The following UPF3B variants were observed in gnomAD, a reference collection of about 807,000 sequenced individuals.
UPF3B encodes the protein regulator of nonsense transcripts 3B.
Under a neutral mutation model 40.3 loss-of-function variants are expected in UPF3B, and 7 were observed. The ratio of observed to expected loss-of-function variants is 0.17; its 90% confidence interval spans 0.10 to 0.33. The LOEUF (loss-of-function observed/expected upper bound fraction) is 0.33. Among genes scored for constraint, UPF3B ranks in the 10% least tolerant of loss-of-function variants. The pLI is 1.00. For synonymous variants in UPF3B, 117 were observed against 117.3 expected, an observed-to-expected ratio of 1.00 and a Z score of 0.01; for missense variants, 229 against 358.9, an observed-to-expected ratio of 0.64 and a Z score of 2.93.
chrX:119,846,205 G>A (rs1201861730), intron 3 of UPF3B, among the ~76,000 whole-genome samples: 30 of 103,590 alleles, frequency 2.9e-4, no homozygotes, highest in Admixed American at 4.2e-4. Flanking sequence ...GTGGTGGCAC[G>A]TGCCTGCAAT....
In UPF3B at chrX:119,840,446, G is replaced by C. The variant is rs2056147704; in HGVS notation, c.846+200C>G. 3.1e-5 allele frequency: 12 copies of C among 384,804 alleles called. No individual in the cohort carries two copies. The East Asian group carries it at 5.1e-4, about 16-fold the overall frequency. The allele number at this position is 384,804 out of a possible 1,213,427, so 31.7% of individuals were successfully genotyped here. Reference sequence around the variant, plus strand: ...CAATGAAGCTTCTGGGCACACAGCAGAGCATCAGGAAGTCACCTGGGCTTC... The same window carrying C: ...CAATGAAGCTTCTGGGCACACAGCACAGCATCAGGAAGTCACCTGGGCTTC... On this transcript the variant is annotated intron_variant, in intron 8 of 10. Transcript: ENST00000276201.
chrX:119,840,205 AG>A (rs755014607), intron 8 of UPF3B, among the ~76,000 whole-genome samples: 14 of 112,013 alleles, frequency 1.2e-4, no homozygotes, highest in Non-Finnish European at 2.1e-4. Flanking sequence ...ATCTTTCTGC[AG>A]GTTTTCTTCT....
downstream of UPF3B, among the ~76,000 whole-genome samples, chrX:119,832,460 T>C (rs973062163): frequency 1.8e-5 from 2 of 111,762 alleles, no homozygotes; most frequent in South Asian, 3.7e-4. Context: ...GTTTTTGCCA[T>C]GTTGGCCAGG....
chrX:119,841,724 A>C lies in UPF3B; in HGVS notation c.624+11T>G, dbSNP rs2056163543. 1 of 1,203,749 alleles carries C rather than the reference A, an allele frequency of 8.3e-7. No individual in the cohort carries two copies. Among genetic ancestry groups the C allele is most frequent in the Non-Finnish European group, 1.1e-6 (1 of 889,249 alleles). On this transcript the variant is annotated intron_variant, in intron 6 of 10. Coordinates refer to ENST00000276201, the MANE Select transcript of UPF3B (RefSeq NM_080632.3). The stretch of plus-strand genomic sequence containing the variant: ...AAAGTATTGAGAGAACTATAAAGAC[A>C]AAAGATTTACCTGCTTGTTTTTCAG...
At chrX:119,851,954 G>C (rs1341978133) in intron 1 of UPF3B, 81 bp from the exon 2 acceptor site, 7 of 662,639 alleles carry the variant, frequency 1.1e-5, no homozygotes, top group Non-Finnish European at 1.7e-5. Flanking sequence ...TCCTGAAGAA[G>C]GCTGGGCTTT....
chrX:119,840,362 G>C lies in UPF3B; in HGVS notation c.846+284C>G, dbSNP rs754915499. Among the ~76,000 whole-genome samples, 10 of 111,722 alleles carry C rather than the reference G, an allele frequency of 9.0e-5. No homozygotes were observed. The East Asian group carries it at 2.0e-3, about 22-fold the overall frequency. On this transcript the variant is annotated intron_variant, in intron 8 of 10. Transcript: ENST00000276201. Reference sequence around the variant, plus strand: ...CCTCCCACAAGGCAGCCAGTTATGAGAAGCATATAAGAAGATGAGAAAGAA... The same window carrying C: ...CCTCCCACAAGGCAGCCAGTTATGACAAGCATATAAGAAGATGAGAAAGAA...
intron 5 of UPF3B, among the ~76,000 whole-genome samples, chrX:119,810,697 C>T (rs2055821655): frequency 9.0e-6 from 1 of 111,645 alleles, no homozygotes; most frequent in Non-Finnish European, 1.9e-5. Context: ...TCTCATCAAA[C>T]GGGAAATTTT....
At chrX:119,845,814 G>A (rs745595824) in intron 3 of UPF3B, among the ~76,000 whole-genome samples, 1 of 110,870 alleles carries the variant, frequency 9.0e-6, no homozygotes, top group South Asian at 3.8e-4. Context: ...CTTTAAAAGG[G>A]TGACTATTTC....
In UPF3B at chrX:119,846,895, C is replaced by A. The variant is rs569684926; in HGVS notation, c.371-1599G>T. Among the ~76,000 whole-genome samples the A allele has an allele frequency of 8.9e-5, 10 of 111,975 alleles. No homozygotes were observed. In the South Asian group the frequency reaches 2.9e-3, roughly 32 times the overall value. On this transcript the variant is annotated intron_variant, in intron 3 of 10. Transcript: ENST00000276201. Reference sequence around the variant, plus strand: ...TATATTATCTGATAAGGGGTAATATCGAGAATATATAAAGAACTCCTATAA... The same window carrying A: ...TATATTATCTGATAAGGGGTAATATAGAGAATATATAAAGAACTCCTATAA...
intron 6 of UPF3B, 50 bp downstream of exon 6, chrX:119,841,685 A>G: frequency 9.0e-7 from 1 of 1,105,918 alleles, no homozygotes; most frequent in Non-Finnish European, 1.2e-6. Flanking sequence ...TATAGAATGC[A>G]AAGCAAAGAA....
chrX:119,837,731 T>C (rs1569461595), intron 10 of UPF3B, 26 bp downstream of exon 10: 1 of 1,203,586 alleles, frequency 8.3e-7, no homozygotes. Flanking sequence ...AAAACCCTCA[T>C]AAACAAGTTT....
chrX:119,821,027 C>T (rs189008052), intron 4 of UPF3B, among the ~76,000 whole-genome samples: 15 of 111,488 alleles, frequency 1.3e-4, no homozygotes, highest in Non-Finnish European at 1.5e-4. Context: ...GAAATATAAT[C>T]CCCAGTGTTG....
exon 4 of UPF3B, chrX:119,822,984 G>T: frequency 2.2e-6 from 2 of 901,115 alleles, no homozygotes; most frequent in Non-Finnish European, 1.4e-6. Context: ...TGTCATCAGG[G>T]TGCCAGAGTC....
chrX:119,835,512 G>A (rs766567329), intron 10 of UPF3B, among the ~76,000 whole-genome samples: 10 of 112,061 alleles, frequency 8.9e-5, no homozygotes, highest in African/African-American at 2.9e-4. Context: ...TGGGATTACA[G>A]GCATGAGCCA....
chrX:119,850,414 T>C (rs2056288654), intron 3 of UPF3B, among the ~76,000 whole-genome samples: 1 of 111,883 alleles, frequency 8.9e-6, no homozygotes, highest in Non-Finnish European at 1.9e-5. Context: ...AAATATCTAC[T>C]GGAATAAAAT....
At chrX:119,820,476 G>C (rs977164881) in intron 4 of UPF3B, among the ~76,000 whole-genome samples, 5 of 104,959 alleles carry the variant, frequency 4.8e-5, no homozygotes, top group Admixed American at 1.0e-4. Context: ...TGGTGAGGGG[G>C]GCAGATGGAG....
At chrX:119,837,110 A>AT (rs2056104785) in intron 10 of UPF3B, among the ~76,000 whole-genome samples, 1 of 105,716 alleles carries the variant, frequency 9.5e-6, no homozygotes, top group South Asian at 4.4e-4. Context: ...CATCCAGCCG[A>AT]TTTTTTGTAT....
At chrX:119,817,398 C>T (rs755600724) in intron 4 of UPF3B, among the ~76,000 whole-genome samples, 34 of 112,069 alleles carry the variant, frequency 3.0e-4, no homozygotes, top group Admixed American at 1.4e-3. Flanking sequence ...ATAGGAAAAA[C>T]TGCCTTGTTT....
chrX:119,831,669 G>T, downstream of UPF3B: 1 of 752,890 alleles, frequency 1.3e-6, no homozygotes, highest in Non-Finnish European at 1.6e-6. Context: ...TCTTCTACTG[G>T]TGAGTATCTA....
Sources: gnomAD v4.1 joint callset for allele counts (sites outside exome capture counted in the v4.1 genomes callset) on GRCh38, gnomAD v4.1.1 for gene constraint, MANE v1.5 for transcripts, NCBI Gene and HGNC (gene_info 2026-07-23, HGNC 2026-07-21) for gene names.